The following CSMD3 variants were observed in gnomAD, a reference collection of about 807,000 sequenced individuals.
CSMD3 encodes CUB and sushi domain-containing protein 3.
In CSMD3, 177 loss-of-function variants were observed where a neutral mutation model predicts 435.2. The observed-to-expected ratio is 0.41, with a 90% CI of 0.36 to 0.46. The LOEUF is 0.46. Ranked by LOEUF, CSMD3 falls within the 20% of genes least tolerant of loss-of-function variation. The pLI, the probability that CSMD3 is intolerant of heterozygous loss-of-function variation, is 0.34. For missense variants in CSMD3, 4,265 were observed against 4,504.6 expected, an observed-to-expected ratio of 0.95 and a Z score of 1.52; for synonymous variants, 1,656 against 1,520.5, an observed-to-expected ratio of 1.09 and a Z score of -2.07.
intron 28 of CSMD3, among the ~76,000 whole-genome samples, chr8:112,511,332 C>G (rs1032425615): frequency 6.6e-6 from 1 of 150,872 alleles, no homozygotes; most frequent in South Asian, 2.1e-4. Flanking sequence ...TGGCTGCTAA[C>G]TGATCAGGGT....
chr8:112,282,231 C>CGT (rs145604094), intron 58 of CSMD3, among the ~76,000 whole-genome samples: 5,383 of 148,670 alleles, frequency 0.036, 306 homozygotes, highest in African/African-American at 0.12. Context: ...GTATAACTGC[C>CGT]GTGTGTGTGT....
intron 3 of CSMD3, among the ~76,000 whole-genome samples, chr8:113,256,592 AAGCTG>A (rs2093382565): frequency 6.6e-6 from 1 of 152,210 alleles, no homozygotes; most frequent in Admixed American, 6.5e-5. Context: ...ACAAAAAGTG[AAGCTG>A]ATGAGTGGAG....
chr8:113,167,895 T>C (rs2092184748), intron 4 of CSMD3, among the ~76,000 whole-genome samples: 2 of 152,164 alleles, frequency 1.3e-5, no homozygotes, highest in African/African-American at 4.8e-5. Context: ...TGTGCCCAAA[T>C]AATATTGCTC....
intron 11 of CSMD3, among the ~76,000 whole-genome samples, chr8:112,843,142 T>C (rs1386325923): frequency 6.6e-6 from 1 of 151,878 alleles, no homozygotes; most frequent in Non-Finnish European, 1.5e-5. Flanking sequence ...TGCTTTTGTT[T>C]ACAAAAACAT....
At chr8:112,469,535 G>A (rs1818316039) in intron 32 of CSMD3, among the ~76,000 whole-genome samples, 1 of 152,114 alleles carries the variant, frequency 6.6e-6, no homozygotes, top group Non-Finnish European at 1.5e-5. Flanking sequence ...ATCTTCCCAT[G>A]GGATGGTTTC....
chr8:112,631,962 A>C (rs1248647391), intron 22 of CSMD3, among the ~76,000 whole-genome samples: 1 of 151,978 alleles, frequency 6.6e-6, no homozygotes, highest in Non-Finnish European at 1.5e-5. Context: ...ACCAGGCCAT[A>C]TATCTGCAAT....
At chr8:113,321,681 T>A (rs545276962) in intron 1 of CSMD3, among the ~76,000 whole-genome samples, 1 of 152,310 alleles carries the variant, frequency 6.6e-6, no homozygotes, top group East Asian at 1.9e-4. Flanking sequence ...ATAAATACTT[T>A]CCTCTACCAT....
intron 5 of CSMD3, among the ~76,000 whole-genome samples, chr8:113,074,778 T>G (rs1034826740): frequency 6.6e-6 from 1 of 151,772 alleles, no homozygotes; most frequent in Admixed American, 6.6e-5. Flanking sequence ...AAGAAACCCA[T>G]TATACATTTG....
chr8:112,343,586 C>T (rs931279878), intron 41 of CSMD3, among the ~76,000 whole-genome samples: 3 of 152,182 alleles, frequency 2.0e-5, no homozygotes, highest in African/African-American at 7.2e-5. Flanking sequence ...ATTTCTTTCA[C>T]ACGTCCTGCA....
At chr8:112,936,315 T>C (rs1587711189) in intron 9 of CSMD3, among the ~76,000 whole-genome samples, 1 of 152,094 alleles carries the variant, frequency 6.6e-6, no homozygotes, top group Non-Finnish European at 1.5e-5. Flanking sequence ...GTACCTATGA[T>C]CCATGTCATT....
chr8:113,372,693 G>A (rs149373932), intron 1 of CSMD3, among the ~76,000 whole-genome samples: 35,159 of 152,054 alleles, frequency 0.23, 5,604 homozygotes, highest in East Asian at 0.69. Flanking sequence ...CAGCACTTTG[G>A]GAGGCCGAGG....
At chr8:113,192,955 A>C (rs1350563990) in intron 3 of CSMD3, among the ~76,000 whole-genome samples, 1 of 151,562 alleles carries the variant, frequency 6.6e-6, no homozygotes, top group African/African-American at 2.4e-5. Context: ...GTGGCATTTG[A>C]TACATTTGTA....
chr8:112,506,339 A>G (rs899788345), intron 29 of CSMD3, among the ~76,000 whole-genome samples: 50 of 152,166 alleles, frequency 3.3e-4, no homozygotes, highest in Admixed American at 6.6e-5. Context: ...TAGAGTCAAC[A>G]TAACTGATTA....
intron 5 of CSMD3, among the ~76,000 whole-genome samples, chr8:113,049,093 G>A (rs2087968733): frequency 6.6e-6 from 1 of 152,060 alleles, no homozygotes; most frequent in African/African-American, 2.4e-5. Context: ...ACAAAAATAA[G>A]GCAGGTATGG....
intron 37 of CSMD3, among the ~76,000 whole-genome samples, chr8:112,381,869 A>G (rs1469901033): frequency 6.6e-6 from 1 of 152,220 alleles, no homozygotes; most frequent in East Asian, 1.9e-4. Flanking sequence ...GGTCTGCTAG[A>G]AAGATCAAAT....
At chr8:112,634,898 CA>C (rs372234370) in intron 22 of CSMD3, among the ~76,000 whole-genome samples, 1 of 151,772 alleles carries the variant, frequency 6.6e-6, no homozygotes, top group South Asian at 2.1e-4. Flanking sequence ...CAGATCACTA[CA>C]AAAAAATCAT....
chr8:112,763,415 C>G (rs1002659794), intron 13 of CSMD3, among the ~76,000 whole-genome samples: 1 of 150,806 alleles, frequency 6.6e-6, no homozygotes, highest in African/African-American at 2.4e-5. Flanking sequence ...GTAAATGCTT[C>G]TACTTTTTAA....
rs757374110 is a variant in CSMD3, at chr8:112,398,628, A to G, written c.5810-7840T>C. Among the ~76,000 whole-genome samples, 4 of 152,134 alleles carry G rather than the reference A, an allele frequency of 2.6e-5. No individual in the cohort carries two copies. In the South Asian group the frequency reaches 8.3e-4, roughly 31 times the overall value. ...AGCCAGACCCACAGGAACTATCCCT[A>G]TGTAGCCAAGCAGCTGTGTGACAGA... On this transcript the variant is annotated intron_variant, in intron 35 of 70. Coordinates refer to ENST00000297405, the MANE Select transcript of CSMD3 (RefSeq NM_198123.2).
intron 64 of CSMD3, among the ~76,000 whole-genome samples, chr8:112,245,277 T>A (rs978828839): frequency 9.2e-5 from 14 of 152,118 alleles, no homozygotes; most frequent in African/African-American, 3.4e-4. Flanking sequence ...TCATCGGTTT[T>A]ATGTCTTATA....
Sources: allele counts gnomAD v4.1 joint callset (sites outside exome capture counted in the v4.1 genomes callset), GRCh38; gene constraint gnomAD v4.1.1; transcripts MANE v1.5; gene names NCBI Gene and HGNC (gene_info 2026-07-23, HGNC 2026-07-21).